The following TRAPPC11 variants were observed in gnomAD, a reference collection of about 807,000 sequenced individuals.
The protein encoded by TRAPPC11 is trafficking protein particle complex subunit 11.
In TRAPPC11, 104 loss-of-function variants were observed where a neutral mutation model predicts 151.2. That is an observed-to-expected ratio of 0.69 (90% CI 0.59 to 0.81). The LOEUF is 0.81. TRAPPC11 is among the 30% of genes least tolerant of loss of function. The pLI is 0.00. For synonymous variants in TRAPPC11, 456 were observed against 472.3 expected (o/e 0.97, Z 0.45); for missense variants, 1,230 against 1,349.6 (o/e 0.91, Z 1.39).
chr4:183,711,712 G>A (rs1454256593), intron 29 of TRAPPC11, among the ~76,000 whole-genome samples: 1 of 100,784 alleles, frequency 9.9e-6, no homozygotes, highest in African/African-American at 2.9e-5. Context: ...TGTCTTCACT[G>A]CCTCGGGAAT....
intron 1 of TRAPPC11, among the ~76,000 whole-genome samples, chr4:183,659,927 G>GT (rs112599299): frequency 0.3 from 46,185 of 151,932 alleles, 7,146 homozygotes; most frequent in South Asian, 0.37. Context: ...AGGTTTTGGG[G>GT]TTTTTTTAGT....
At chr4:183,706,012 A>C (rs1017790710) in intron 27 of TRAPPC11, 2 of 152,338 alleles carry the variant, frequency 1.3e-5, no homozygotes, top group Non-Finnish European at 2.9e-5. Context: ...ACCCAAATTC[A>C]TGAAGCCTTC....
At chr4:183,702,022 A>G (rs1736824850) in intron 26 of TRAPPC11, among the ~76,000 whole-genome samples, 1 of 152,214 alleles carries the variant, frequency 6.6e-6, no homozygotes, top group Non-Finnish European at 1.5e-5. Flanking sequence ...TAGCCAAACT[A>G]AATCTGTACA....
intron 1 of TRAPPC11, among the ~76,000 whole-genome samples, chr4:183,663,178 T>C (rs1734647034): frequency 6.6e-6 from 1 of 152,154 alleles, no homozygotes; most frequent in African/African-American, 2.4e-5. Context: ...GTGATTCTCC[T>C]GCCTCAGCCT....
At chr4:183,689,115 T>C (rs1194140791) in intron 18 of TRAPPC11, among the ~76,000 whole-genome samples, 1 of 152,110 alleles carries the variant, frequency 6.6e-6, no homozygotes, top group Non-Finnish European at 1.5e-5. Flanking sequence ...AGTAGCAAAA[T>C]AGAAATAATA....
At chr4:183,711,240 G>A (rs991177156) in intron 29 of TRAPPC11, among the ~76,000 whole-genome samples, 3 of 151,946 alleles carry the variant, frequency 2.0e-5, no homozygotes, top group Admixed American at 6.6e-5. Context: ...TATGCTGTCC[G>A]GTATAGCCAC....
At chr4:183,671,530 A>G (rs1735158210) in intron 5 of TRAPPC11, among the ~76,000 whole-genome samples, 1 of 152,098 alleles carries the variant, frequency 6.6e-6, no homozygotes, top group Non-Finnish European at 1.5e-5. Context: ...ATCTACCTTC[A>G]ATATAACTTC....
chr4:183,661,435 G>C (rs578211087), intron 1 of TRAPPC11, among the ~76,000 whole-genome samples: 5 of 131,748 alleles, frequency 3.8e-5, no homozygotes, highest in African/African-American at 1.1e-4. Context: ...GCAGTGGCGC[G>C]ATCTCCGCTC....
At chr4:183,664,114 C>CTG (rs750945168) in intron 2 of TRAPPC11, 43 bp downstream of exon 2, 29 of 1,489,414 alleles carry the variant, frequency 1.9e-5, no homozygotes, top group Non-Finnish European at 2.3e-5. Context: ...TTCTCTCTCT[C>CTG]TATGTGTGTG....
intron 18 of TRAPPC11, among the ~76,000 whole-genome samples, chr4:183,687,297 GTGTA>G (rs35767801): frequency 0.65 from 74,968 of 115,522 alleles, 19,243 homozygotes; most frequent in African/African-American, 0.71. Context: ...CTGTGTGTGT[GTGTA>G]TATATATATA....
At chr4:183,689,127 C>T (rs1736127839) in intron 18 of TRAPPC11, among the ~76,000 whole-genome samples, 1 of 152,118 alleles carries the variant, frequency 6.6e-6, no homozygotes, top group Non-Finnish European at 1.5e-5. Context: ...GAAATAATAT[C>T]ATGGAAGCCA....
chr4:183,701,819 T>C lies in TRAPPC11; in HGVS notation c.2963+11T>C, dbSNP rs1169583763. On this transcript the variant is annotated intron_variant, in intron 26 of 29. Coordinates refer to ENST00000334690, the MANE Select transcript of TRAPPC11 (RefSeq NM_021942.6). The stretch of plus-strand genomic sequence containing the variant: ...TATCTCTTGGAAAAGGTAAGAATTA[T>C]GTCAATCCTGTCTTTTCTTCAATGT... 1 of 1,487,528 alleles carries C rather than the reference T, an allele frequency of 6.7e-7. No homozygotes were observed. Among genetic ancestry groups the C allele is most frequent in the Non-Finnish European group, 9.4e-7 (1 of 1,064,862 alleles). 92.1% of individuals were successfully genotyped at this position (1,487,528 alleles called of 1,614,324 possible). A position where few individuals can be genotyped will look rare whatever the true frequency, so the allele number is the denominator to read the frequency against.
At chr4:183,701,920 A>G in intron 26 of TRAPPC11, 112 bp downstream of exon 26, 2 of 757,970 alleles carry the variant, frequency 2.6e-6, no homozygotes, top group East Asian at 2.7e-5. Flanking sequence ...TGAAGAGCAG[A>G]AGTCATGTGG....
intron 2 of TRAPPC11, among the ~76,000 whole-genome samples, chr4:183,665,210 T>C (rs1734796946): frequency 6.6e-6 from 1 of 150,800 alleles, no homozygotes; most frequent in Non-Finnish European, 1.5e-5. Flanking sequence ...TTCTCCTGCT[T>C]CAGCCTCCCG....
rs1353632655 is a variant in TRAPPC11, at chr4:183,713,439, CAT to C, written c.*796_*797del. The C allele has an allele frequency of 1.3e-5, 2 of 152,562 alleles. No individual in the cohort carries two copies. Among genetic ancestry groups the C allele is most frequent in the African/African-American group, 4.8e-5 (2 of 41,432 alleles). The allele number at this position is 152,562 out of a possible 1,614,324, so 9.5% of individuals were successfully genotyped here. A position where few individuals can be genotyped will look rare whatever the true frequency, so the allele number is the denominator to read the frequency against. ...GAACTATTTAAAACTCTTGAAAACT[CAT>C]GTAAATAAAAATCATAGGGTGAAAA... is the stretch of plus-strand genomic sequence containing the variant. On this transcript the variant is annotated 3_prime_UTR_variant, in exon 30 of 30. Transcript: ENST00000334690.
intron 18 of TRAPPC11, among the ~76,000 whole-genome samples, chr4:183,687,183 A>AAC (rs562031812): frequency 2.7e-5 from 4 of 150,150 alleles, no homozygotes; most frequent in South Asian, 2.1e-4. Flanking sequence ...TGTGTCAAAA[A>AAC]ATATATATAT....
intron 25 of TRAPPC11, among the ~76,000 whole-genome samples, chr4:183,698,173 T>G (rs1220209426): frequency 2.0e-5 from 3 of 152,190 alleles, no homozygotes; most frequent in African/African-American, 4.8e-5. Context: ...CTGTTTTTCA[T>G]AACTTGAAAT....
At chr4:183,690,712 A>G (rs943916651) in intron 18 of TRAPPC11, among the ~76,000 whole-genome samples, 3 of 152,228 alleles carry the variant, frequency 2.0e-5, no homozygotes, top group African/African-American at 7.2e-5. Flanking sequence ...CACACCTGTA[A>G]TCCCAACACT....
chr4:183,672,259 A>T (rs1241797733), intron 5 of TRAPPC11, among the ~76,000 whole-genome samples: 2 of 152,234 alleles, frequency 1.3e-5, no homozygotes, highest in African/African-American at 2.4e-5. Flanking sequence ...AGTAGTGGTT[A>T]TTTTGGACAG....
Sources: gnomAD v4.1 joint callset for allele counts (sites outside exome capture counted in the v4.1 genomes callset) on GRCh38, gnomAD v4.1.1 for gene constraint, MANE v1.5 for transcripts, NCBI Gene and HGNC (gene_info 2026-07-23, HGNC 2026-07-21) for gene names.